PRDM11: variants seen among roughly 807,000 people sequenced by gnomAD.
The protein encoded by PRDM11 is PR domain-containing protein 11.
PRDM11 carries 20 observed loss-of-function variants against 97.8 expected under a neutral mutation model. The observed-to-expected ratio is 0.20, with a 90% CI of 0.14 to 0.30. PRDM11 has a LOEUF of 0.30. Among genes scored for constraint, PRDM11 ranks in the 10% least tolerant of loss-of-function variants. The probability of loss-of-function intolerance (pLI) is 1.00; values close to 1 mark genes in which losing one functional copy is unlikely to be tolerated. For synonymous variants in PRDM11, 599 were observed against 637.7 expected (o/e 0.94, Z 0.91); for missense variants, 1,139 against 1,555.2 (o/e 0.73, Z 4.50).
chr11:45,146,272 A>G (rs562136862), upstream of PRDM11, among the ~76,000 whole-genome samples: 26 of 152,258 alleles, frequency 1.7e-4, no homozygotes, highest in African/African-American at 6.0e-4. Context: ...CCCCCCGACT[A>G]TTTGGTTCCA....
chr11:45,121,541 A>G (rs929736699), intron 1 of PRDM11, among the ~76,000 whole-genome samples: 55 of 152,332 alleles, frequency 3.6e-4, no homozygotes, highest in African/African-American at 1.3e-3. Flanking sequence ...ACAAGCAAGC[A>G]AACAAAAAAC....
Position 45,219,556 on chromosome 11 carries a change from C to T in PRDM11, c.555-14C>T. The T allele has an allele frequency of 6.2e-7, 1 of 1,609,432 alleles. No homozygotes were observed. Among genetic ancestry groups the T allele is most frequent in the African/African-American group, 1.3e-5 (1 of 74,966 alleles). The stretch of plus-strand genomic sequence containing the variant: ...GTGGCCCGTGCGTTCTCACCTGTCT[C>T]CCCTCCCCACCAGGTACGTGGTCAT... On this transcript the variant is annotated splice_polypyrimidine_tract_variant and intron_variant, in intron 5 of 7. Transcript: ENST00000683152. The surrounding 1 kb of genome is among the most constrained non-coding windows in gnomAD (Gnocchi z 4.2).
chr11:45,112,775 T>C (rs1852211799), intron 1 of PRDM11, among the ~76,000 whole-genome samples: 1 of 149,970 alleles, frequency 6.7e-6, no homozygotes, highest in Non-Finnish European at 1.5e-5. Flanking sequence ...TGCCCACTTT[T>C]TGATGGGATT....
At chr11:45,216,012 T>G (rs1853945731) in intron 5 of PRDM11, 1 of 152,698 alleles carries the variant, frequency 6.5e-6, no homozygotes, top group South Asian at 2.1e-4. Context: ...GAAAATATGA[T>G]GCACTTGATA....
At chr11:45,180,976 C>T (rs1191130643) in intron 1 of PRDM11, among the ~76,000 whole-genome samples, 3 of 152,264 alleles carry the variant, frequency 2.0e-5, no homozygotes, top group African/African-American at 7.2e-5. Flanking sequence ...GCTGATTAGC[C>T]GAGGAGCAGG....
intron 4 of PRDM11, among the ~76,000 whole-genome samples, chr11:45,193,379 G>A (rs188923612): frequency 1.3e-5 from 2 of 152,306 alleles, no homozygotes; most frequent in East Asian, 3.9e-4. Context: ...ATGGTCAACT[G>A]TTGGGGTAAA....
intron 1 of PRDM11, among the ~76,000 whole-genome samples, chr11:45,155,637 CAAG>C (rs1434322481): frequency 1.3e-5 from 2 of 151,632 alleles, no homozygotes; most frequent in East Asian, 2.0e-4. Flanking sequence ...AGGGGTGCCT[CAAG>C]GAGGGGTGGA....
chr11:45,194,622 G>A (rs1257513461), intron 4 of PRDM11, among the ~76,000 whole-genome samples: 4 of 105,798 alleles, frequency 3.8e-5, no homozygotes, highest in African/African-American at 1.1e-4. Context: ...TTTTTGAGAC[G>A]GAGTCTCGCT....
At chr11:45,216,822 A>T (rs1853969565) in intron 5 of PRDM11, among the ~76,000 whole-genome samples, 1 of 152,222 alleles carries the variant, frequency 6.6e-6, no homozygotes, top group South Asian at 2.1e-4. Context: ...AATTGACTTG[A>T]GTCTTTCTAA....
At chr11:45,105,452 T>C (rs985467999) in intron 1 of PRDM11, among the ~76,000 whole-genome samples, 1 of 152,220 alleles carries the variant, frequency 6.6e-6, no homozygotes, top group Non-Finnish European at 1.5e-5. Context: ...ACAGCAGAGC[T>C]GGGACTGGAA....
chr11:45,169,133 C>T (rs1240891772), intron 1 of PRDM11, among the ~76,000 whole-genome samples: 1 of 152,072 alleles, frequency 6.6e-6, no homozygotes, highest in Non-Finnish European at 1.5e-5. Context: ...TATTTTAATT[C>T]TAGTAATACT....
intron 5 of PRDM11, among the ~76,000 whole-genome samples, chr11:45,210,284 T>G (rs982452226): frequency 5.3e-5 from 8 of 152,130 alleles, no homozygotes; most frequent in African/African-American, 1.9e-4. Context: ...CTCTTCTCCC[T>G]CTGTACTTGT....
chr11:45,226,370 C>G lies in PRDM11; in HGVS notation c.1745C>G (p.Thr582Arg), dbSNP rs1388180181. The G allele has an allele frequency of 1.3e-6, 2 of 1,533,892 alleles. No homozygotes were observed. Among genetic ancestry groups the G allele is most frequent in the Admixed American group, 2.0e-5 (1 of 50,978 alleles). ...AAGCTCCGCATGCACCCGGAGAAGACAGAGGAGATGTGTCGCAACATGACC... is the reference window on the plus strand; with the variant it reads ...AAGCTCCGCATGCACCCGGAGAAGAGAGAGGAGATGTGTCGCAACATGACC... ...LYKLRMHPEK[T>R]EEMCRNMTLL... The change falls in exon 8 of 8, where the codon ACA (threonine) becomes AGA (arginine). Residue 582 changes from threonine to arginine, a missense_variant. Physicochemically the swap from Thr to Arg is moderately conservative, Grantham distance 71. Around this residue, in one of 2 missense-constraint regions of PRDM11, gnomAD observed 710 missense variants for 1,044.9 expected, o/e 0.68. Coordinates refer to ENST00000683152, the MANE Select transcript of PRDM11 (RefSeq NM_001384648.1).
chr11:45,172,664 G>A (rs543791735), intron 1 of PRDM11, among the ~76,000 whole-genome samples: 2 of 152,226 alleles, frequency 1.3e-5, no homozygotes, highest in South Asian at 2.1e-4. Flanking sequence ...TTCCCTAAAC[G>A]ATACAGTATA....
At chr11:45,183,951 A>T (rs1852611612) in intron 4 of PRDM11, among the ~76,000 whole-genome samples, 1 of 152,224 alleles carries the variant, frequency 6.6e-6, no homozygotes, top group Non-Finnish European at 1.5e-5. Flanking sequence ...GATAGAATTA[A>T]TCAAAGACTA....
chr11:45,137,850 C>T (rs1359935866), intron 1 of PRDM11, among the ~76,000 whole-genome samples: 1 of 152,210 alleles, frequency 6.6e-6, no homozygotes, highest in African/African-American at 2.4e-5. Flanking sequence ...TCCCTTCTGA[C>T]CCAGCATTAC....
intron 1 of PRDM11, among the ~76,000 whole-genome samples, chr11:45,157,498 C>T (rs1427981492): frequency 1.3e-5 from 2 of 152,198 alleles, no homozygotes; most frequent in African/African-American, 4.8e-5. Context: ...GGTTATGGAT[C>T]AGTACCCATC....
intron 4 of PRDM11, among the ~76,000 whole-genome samples, chr11:45,202,651 TG>T (rs1853370307): frequency 6.6e-6 from 1 of 152,122 alleles, no homozygotes; most frequent in Non-Finnish European, 1.5e-5. Flanking sequence ...ATCTCTAGGA[TG>T]GTGGTTACTC....
At chr11:45,110,938 C>G (rs76618175) in intron 1 of PRDM11, among the ~76,000 whole-genome samples, 3,831 of 152,094 alleles carry the variant, frequency 0.025, 169 homozygotes, top group African/African-American at 0.088. Flanking sequence ...CCCCCTTACC[C>G]CCCTTTTTTT....
Sources: gnomAD v4.1 joint callset for allele counts (sites outside exome capture counted in the v4.1 genomes callset) on GRCh38, gnomAD v4.1.1 for gene constraint, gnomAD v4.1.1 regional missense constraint, Gnocchi (gnomAD v3.1) non-coding constraint, MANE v1.5 for transcripts, NCBI Gene and HGNC (gene_info 2026-07-23, HGNC 2026-07-21) for gene names.